Variants in MRTFA observed in about 807,000 individuals in gnomAD.
MRTFA encodes the protein myocardin-related transcription factor A.
MRTFA carries 20 observed loss-of-function variants against 83.5 expected under a neutral mutation model. That is an observed-to-expected ratio of 0.24 (90% CI 0.17 to 0.35). The LOEUF (loss-of-function observed/expected upper bound fraction) is 0.35, where lower values mean the gene tolerates loss of function less well. MRTFA is among the 10% of genes least tolerant of loss of function. The probability of loss-of-function intolerance (pLI) is 1.00; values close to 1 mark genes in which losing one functional copy is unlikely to be tolerated. For missense variants in MRTFA, 1,200 were observed against 1,224.7 expected, an observed-to-expected ratio of 0.98 and a Z score of 0.30; for synonymous variants, 659 against 541.2, an observed-to-expected ratio of 1.22 and a Z score of -3.02.
chr22:40,600,718 G>A (rs527307476), intron 1 of MRTFA, among the ~76,000 whole-genome samples: 3 of 152,152 alleles, frequency 2.0e-5, no homozygotes, highest in East Asian at 1.9e-4. Context: ...GGTGGCTCAC[G>A]CCTGTAATCC....
rs756344604 is a variant in MRTFA at position 40,411,955 on chromosome 22, A to G, written c.2579-48T>C. 24 of 1,408,112 alleles carry G rather than the reference A, an allele frequency of 1.7e-5. No homozygotes were observed. The East Asian group carries it at 3.3e-4, about 19-fold the overall frequency. The allele number at this position is 1,408,112 out of a possible 1,614,324, so 87.2% of individuals were successfully genotyped here. A position where few individuals can be genotyped will look rare whatever the true frequency, so the allele number is the denominator to read the frequency against. On this transcript the variant is annotated intron_variant, in intron 14 of 14. Transcript: ENST00000355630. ...AATGGATATCAGAAGCCAAGCCTGT[A>G]TATCTACATGCAAAAGAATGAAGGT...
intron 7 of MRTFA, 55 bp from the exon 8 acceptor site, chr22:40,424,436 A>G: frequency 6.3e-7 from 1 of 1,582,982 alleles, no homozygotes; most frequent in Non-Finnish European, 8.6e-7. Flanking sequence ...ACAGATGAGC[A>G]GGGACAGGCC....
At chr22:40,633,812 A>G (rs965308665) in intron 1 of MRTFA, among the ~76,000 whole-genome samples, 6 of 152,188 alleles carry the variant, frequency 3.9e-5, no homozygotes, top group African/African-American at 1.4e-4. Flanking sequence ...TAGTAAAATG[A>G]TAATAATGAT....
At chr22:40,449,477 T>C (rs1190976431) in intron 4 of MRTFA, among the ~76,000 whole-genome samples, 1 of 152,148 alleles carries the variant, frequency 6.6e-6, no homozygotes, top group Admixed American at 6.5e-5. Context: ...ATCATTTGCA[T>C]GAAAATGTCT....
At chr22:40,498,252 C>CAA (rs2054390389) in intron 3 of MRTFA, among the ~76,000 whole-genome samples, 1 of 77,534 alleles carries the variant, frequency 1.3e-5, no homozygotes, top group Non-Finnish European at 2.3e-5. Flanking sequence ...GTACACACTT[C>CAA]ATATATATAT....
intron 2 of MRTFA, among the ~76,000 whole-genome samples, chr22:40,571,780 C>T (rs1380881614): frequency 1.3e-5 from 2 of 150,832 alleles, no homozygotes; most frequent in South Asian, 4.2e-4. Context: ...AAAAAGCAGC[C>T]GGGCATGGTG....
chr22:40,489,666 G>C (rs2054238313), intron 3 of MRTFA, among the ~76,000 whole-genome samples: 1 of 151,996 alleles, frequency 6.6e-6, no homozygotes, highest in Non-Finnish European at 1.5e-5. Context: ...CTAAATGAAA[G>C]GTTCTAAGCA....
At chr22:40,546,573 A>C (rs554033258) in intron 3 of MRTFA, among the ~76,000 whole-genome samples, 4 of 152,352 alleles carry the variant, frequency 2.6e-5, no homozygotes, top group African/African-American at 9.6e-5. Context: ...GTTTCTGAAG[A>C]CAGGTAGTGA....
Position 40,410,426 on chromosome 22 carries a change from C to T in MRTFA, c.*964G>A. On this transcript the variant is annotated 3_prime_UTR_variant, in exon 15 of 15. Transcript: ENST00000355630. The stretch of plus-strand genomic sequence containing the variant: ...CCAGTGGCCCCAGGGCAGGAGATGG[C>T]CACCCCTCAGCCCCACCGCAGGGTG... The T allele has an allele frequency of 4.3e-6, 1 of 234,086 alleles. No individual in the cohort carries two copies. The highest frequency in any genetic ancestry group is 8.4e-6 in the Non-Finnish European group (1 of 118,654). The allele number at this position is 234,086 out of a possible 1,614,324, so 14.5% of individuals were successfully genotyped here. A position where few individuals can be genotyped will look rare whatever the true frequency, so the allele number is the denominator to read the frequency against.
chr22:40,469,402 C>G (rs556539303), intron 3 of MRTFA, among the ~76,000 whole-genome samples: 2 of 152,288 alleles, frequency 1.3e-5, no homozygotes, highest in East Asian at 3.9e-4. Context: ...TGTGACACTC[C>G]TGCTCCCCAT....
chr22:40,598,890 C>T (rs941257063), intron 1 of MRTFA, among the ~76,000 whole-genome samples: 4 of 151,006 alleles, frequency 2.6e-5, no homozygotes, highest in Admixed American at 6.6e-5. Context: ...ACTTGGGAGG[C>T]TGAGGCAGGA....
intron 2 of MRTFA, among the ~76,000 whole-genome samples, chr22:40,591,760 C>G (rs778523692): frequency 6.6e-5 from 10 of 152,142 alleles, no homozygotes; most frequent in Non-Finnish European, 1.2e-4. Flanking sequence ...TTAAGTTTAT[C>G]TCACTAAACC....
At chr22:40,446,038 A>T (rs368880695) in intron 4 of MRTFA, among the ~76,000 whole-genome samples, 1 of 152,252 alleles carries the variant, frequency 6.6e-6, no homozygotes, top group Admixed American at 6.5e-5. Flanking sequence ...TTTGGCAAGA[A>T]GAAAACATAG....
chr22:40,498,732 C>A (rs997143309), intron 3 of MRTFA, among the ~76,000 whole-genome samples: 11 of 152,136 alleles, frequency 7.2e-5, no homozygotes, highest in African/African-American at 2.7e-4. Context: ...CTATGCAGAT[C>A]TCTACCTCTC....
At chr22:40,585,577 T>G (rs2056016135) in intron 2 of MRTFA, among the ~76,000 whole-genome samples, 1 of 152,212 alleles carries the variant, frequency 6.6e-6, no homozygotes, top group Non-Finnish European at 1.5e-5. Context: ...TTCATGTGTA[T>G]TTTAACACAA....
At chr22:40,624,425 CAAAAAAAAA>C (rs35882157) in intron 1 of MRTFA, among the ~76,000 whole-genome samples, 1 of 62,758 alleles carries the variant, frequency 1.6e-5, no homozygotes, top group African/African-American at 5.2e-5. Context: ...GACTCCAACT[CAAAAAAAAA>C]AAAAAAAAAA....
At position 40,467,816 on chromosome 22, in the gene MRTFA, A is replaced by G. The variant is rs536322264; in HGVS notation, c.242-4530T>C. ...CAAAAATATTTATTTGTATACAAGC[A>G]TAAGTCTTTAATCCTTTACTGTTAC... On this transcript the variant is annotated intron_variant, in intron 3 of 14. Transcript: ENST00000355630. Among the ~76,000 whole-genome samples, 5 of 152,358 alleles carry G rather than the reference A, an allele frequency of 3.3e-5. No homozygotes were observed. The South Asian group carries it at 1.0e-3, about 32-fold the overall frequency.
intron 1 of MRTFA, among the ~76,000 whole-genome samples, chr22:40,616,362 T>G (rs2056449167): frequency 6.6e-6 from 1 of 152,190 alleles, no homozygotes; most frequent in Admixed American, 6.5e-5. Flanking sequence ...AAGAGCATGG[T>G]ATGATTAGAT....
chr22:40,551,481 C>T (rs1031486242), intron 3 of MRTFA, among the ~76,000 whole-genome samples: 1 of 152,158 alleles, frequency 6.6e-6, no homozygotes, highest in Non-Finnish European at 1.5e-5. Context: ...GATCCTCCCA[C>T]CTCAGACTCC....
Sources: allele counts gnomAD v4.1 joint callset (sites outside exome capture counted in the v4.1 genomes callset), GRCh38; gene constraint gnomAD v4.1.1; transcripts MANE v1.5; gene names NCBI Gene and HGNC (gene_info 2026-07-23, HGNC 2026-07-21).